The following SULF1 variants were observed in gnomAD, a reference collection of about 807,000 sequenced individuals.
SULF1 encodes extracellular sulfatase Sulf-1.
In SULF1, 46 loss-of-function variants were observed where a neutral mutation model predicts 110.5. That is an observed-to-expected ratio of 0.42 (90% CI 0.33 to 0.53). The LOEUF (loss-of-function observed/expected upper bound fraction) is 0.53. Among genes scored for constraint, SULF1 ranks in the 20% least tolerant of loss-of-function variants. The pLI, the probability that SULF1 is intolerant of heterozygous loss-of-function variation, is 0.12. For synonymous variants in SULF1, 371 were observed against 387.1 expected, an observed-to-expected ratio of 0.96 and a Z score of 0.49; for missense variants, 941 against 1,094.2, an observed-to-expected ratio of 0.86 and a Z score of 1.98.
intron 7 of SULF1, 67 bp downstream of exon 7, chr8:69,586,575 G>A: frequency 6.6e-7 from 1 of 1,526,326 alleles, no homozygotes; most frequent in Non-Finnish European, 8.9e-7. Context: ...GCCATTTTCA[G>A]TGAGTTAAAC....
chr8:69,538,055 G>C (rs1813556274), intron 3 of SULF1, among the ~76,000 whole-genome samples: 1 of 151,774 alleles, frequency 6.6e-6, no homozygotes, highest in East Asian at 1.9e-4. Flanking sequence ...CCGCCCCCCG[G>C]GGTTCACGCC....
At chr8:69,467,219 A>C (rs1284701918) in intron 1 of SULF1, 1 of 152,246 alleles carries the variant, frequency 6.6e-6, no homozygotes, top group African/African-American at 2.4e-5. Flanking sequence ...TTGTATACTC[A>C]AAACAGGAGC....
intron 3 of SULF1, among the ~76,000 whole-genome samples, chr8:69,561,308 G>GA (rs1283569628): frequency 6.6e-6 from 1 of 151,936 alleles, no homozygotes; most frequent in African/African-American, 2.4e-5. Flanking sequence ...CACTGTGGCA[G>GA]AAAAAAATGT....
chr8:69,553,207 C>T (rs889332153), intron 3 of SULF1, among the ~76,000 whole-genome samples: 23 of 152,172 alleles, frequency 1.5e-4, no homozygotes, highest in African/African-American at 5.5e-4. Context: ...GCCTGCATGC[C>T]AGAGCATCAT....
chr8:69,538,535 G>A (rs1813624612), intron 3 of SULF1, among the ~76,000 whole-genome samples: 1 of 152,148 alleles, frequency 6.6e-6, no homozygotes, highest in Non-Finnish European at 1.5e-5. Context: ...TGTCTGGAAG[G>A]CGAGGGGGAG....
intron 2 of SULF1, among the ~76,000 whole-genome samples, chr8:69,496,470 C>T (rs911425886): frequency 2.0e-4 from 30 of 151,940 alleles, no homozygotes; most frequent in Non-Finnish European, 1.5e-4. Flanking sequence ...ATGCTTTTGC[C>T]ATAAAAAAAG....
At chr8:69,570,256 G>C (rs1258821614) in intron 5 of SULF1, among the ~76,000 whole-genome samples, 1 of 152,194 alleles carries the variant, frequency 6.6e-6, no homozygotes, top group African/African-American at 2.4e-5. Flanking sequence ...AGGTGTATAT[G>C]AATCCCACAT....
At chr8:69,491,893 G>A (rs1809958958), upstream of SULF1, among the ~76,000 whole-genome samples, 1 of 152,170 alleles carries the variant, frequency 6.6e-6, no homozygotes. Flanking sequence ...AGAAAAGAGG[G>A]GAAATTGGGG....
chr8:69,503,399 T>G (rs1299963363), intron 3 of SULF1, among the ~76,000 whole-genome samples: 1 of 152,138 alleles, frequency 6.6e-6, no homozygotes, highest in Non-Finnish European at 1.5e-5. Flanking sequence ...AAGTTGAAAG[T>G]TAGGTCTCCT....
At chr8:69,510,890 T>C (rs1411976133) in intron 3 of SULF1, among the ~76,000 whole-genome samples, 1 of 151,744 alleles carries the variant, frequency 6.6e-6, no homozygotes, top group Non-Finnish European at 1.5e-5. Context: ...GTGCTGGGAT[T>C]ACAGGCGTGA....
chr8:69,588,570 T>C (rs1048136970), intron 7 of SULF1, among the ~76,000 whole-genome samples: 2 of 152,208 alleles, frequency 1.3e-5, no homozygotes, highest in African/African-American at 4.8e-5. Flanking sequence ...GGGTGTTTCC[T>C]GCCCTTAAAG....
chr8:69,625,580 G>A (rs538190014), intron 15 of SULF1, among the ~76,000 whole-genome samples: 9 of 152,272 alleles, frequency 5.9e-5, no homozygotes, highest in African/African-American at 4.8e-5. Context: ...GCAGACCTTC[G>A]CGTGAGTGTT....
intron 3 of SULF1, among the ~76,000 whole-genome samples, chr8:69,543,417 C>T (rs948796070): frequency 6.6e-6 from 1 of 152,016 alleles, no homozygotes; most frequent in African/African-American, 2.4e-5. Flanking sequence ...TGTTTCCCTC[C>T]CTGTATCCAT....
At chr8:69,541,260 T>C in intron 3 of SULF1, among the ~76,000 whole-genome samples, 1 of 152,186 alleles carries the variant, frequency 6.6e-6, no homozygotes, top group East Asian at 1.9e-4. Flanking sequence ...GGAATGGCCC[T>C]GCTTGTGAGA....
At chr8:69,575,535 A>C (rs1159401168) in intron 5 of SULF1, among the ~76,000 whole-genome samples, 1 of 152,152 alleles carries the variant, frequency 6.6e-6, no homozygotes, top group African/African-American at 2.4e-5. Flanking sequence ...TCATACGATT[A>C]AAATGCTATA....
chr8:69,630,958 T>A (rs905080169), intron 19 of SULF1, among the ~76,000 whole-genome samples: 7 of 151,342 alleles, frequency 4.6e-5, no homozygotes, highest in Admixed American at 3.3e-4. Flanking sequence ...CCTAATGCTA[T>A]CCCTCCCCCC....
chr8:69,537,180 C>T (rs964489620), intron 3 of SULF1, among the ~76,000 whole-genome samples: 1 of 152,092 alleles, frequency 6.6e-6, no homozygotes, highest in African/African-American at 2.4e-5. Flanking sequence ...TCCAGCTGGG[C>T]TTTCAGAACA....
intron 8 of SULF1, among the ~76,000 whole-genome samples, chr8:69,597,892 C>A (rs921242909): frequency 1.3e-5 from 2 of 152,130 alleles, no homozygotes; most frequent in African/African-American, 4.8e-5. Context: ...CCTTTCACAA[C>A]CAACTTTCTA....
chr8:69,604,890 C>G lies in SULF1; in HGVS notation c.1335C>G (p.Cys445Trp), dbSNP rs747457066. 1.9e-6 allele frequency: 3 copies of G among 1,614,104 alleles called. No individual in the cohort carries two copies. Among genetic ancestry groups the G allele is most frequent in the South Asian group, 1.1e-5 (1 of 91,084 alleles). The change falls in exon 13 of 23, where the codon TGC (cysteine) becomes TGG (tryptophan). Residue 445 changes from cysteine (C) to tryptophan (W), a missense_variant. Transcript: ENST00000402687. Reference protein sequence around the residue: ...LPKYERVKELCQQARYQTACE... With the variant: ...LPKYERVKELWQQARYQTACE... ...AATATGAACGGGTCAAAGAACTATG[C>G]CAGCAGGCCAGGTACCAGACAGCCT...
Sources: gnomAD v4.1 joint callset for allele counts (sites outside exome capture counted in the v4.1 genomes callset) on GRCh38, gnomAD v4.1.1 for gene constraint, MANE v1.5 for transcripts, NCBI Gene and HGNC (gene_info 2026-07-23, HGNC 2026-07-21) for gene names.